Variants in UBAP2 observed in about 807,000 individuals in gnomAD.
UBAP2 encodes the protein ubiquitin associated protein 2, also known as ubiquitin-associated protein 2.
A neutral mutation model predicts 139.6 loss-of-function variants in UBAP2; 75 were observed. That is an observed-to-expected ratio of 0.54 (90% CI 0.45 to 0.65). The LOEUF is 0.65. Among genes scored for constraint, UBAP2 ranks in the 30% least tolerant of loss-of-function variants. The probability of loss-of-function intolerance (pLI) is 0.00; values close to 1 mark genes in which losing one functional copy is unlikely to be tolerated. For missense variants in UBAP2, 1,368 were observed against 1,369.6 expected (o/e 1.00, Z 0.02); for synonymous variants, 526 against 526.2 (o/e 1.00, Z 0.01).
chr9:33,952,103 A>AT (rs1826150442), intron 12 of UBAP2, among the ~76,000 whole-genome samples: 1 of 152,250 alleles, frequency 6.6e-6, no homozygotes, highest in African/African-American at 2.4e-5. Flanking sequence ...TATCAGGGTA[A>AT]AACAAACGAT....
chr9:33,944,683 A>G (rs766017435), intron 13 of UBAP2, 44 bp from the exon 14 acceptor site: 1 of 1,589,612 alleles, frequency 6.3e-7, no homozygotes, highest in Admixed American at 1.7e-5. Context: ...ATGGCTTCAC[A>G]ATGTTCTTCA....
Position 33,982,521 on chromosome 9 carries a change from C to T in UBAP2, c.520+4239G>A, listed in dbSNP as rs147289398. On this transcript the variant is annotated intron_variant, in intron 6 of 28. Transcript: ENST00000379238. ...GTAAAATTAAGTGCCCATTTTGTCG[C>T]CCAGATAGTTTAAATGGACTATGTT... 6.5e-3 allele frequency among the ~76,000 whole-genome samples: 985 copies of T among 152,038 alleles called. 9 individuals carry two copies. Among genetic ancestry groups the T allele is most frequent in the Non-Finnish European group, 9.9e-3 (670 of 67,886 alleles).
intron 12 of UBAP2, among the ~76,000 whole-genome samples, chr9:33,953,041 T>C (rs1247138554): frequency 1.3e-5 from 2 of 152,058 alleles, no homozygotes; most frequent in Non-Finnish European, 2.9e-5. Context: ...AGCTAATTTT[T>C]GTTAGTTTGC....
chr9:34,013,087 C>T (rs1184711999), intron 2 of UBAP2, among the ~76,000 whole-genome samples: 1 of 137,520 alleles, frequency 7.3e-6, no homozygotes, highest in Non-Finnish European at 1.5e-5. Flanking sequence ...CCAGGAGGCA[C>T]AGTTGCCGTT....
intron 17 of UBAP2, 109 bp downstream of exon 17, chr9:33,935,730 T>C (rs1286792762): frequency 7.6e-7 from 1 of 1,321,598 alleles, no homozygotes; most frequent in East Asian, 2.3e-5. Context: ...GGCTGCTTTT[T>C]AACGAATAAG....
intron 1 of UBAP2, among the ~76,000 whole-genome samples, chr9:34,038,965 G>A (rs1477106278): frequency 2.0e-5 from 3 of 149,684 alleles, no homozygotes; most frequent in East Asian, 2.0e-4. Flanking sequence ...GCCTCTGCCC[G>A]ACCGCGACCC....
At chr9:33,963,858 G>A (rs1361371111) in intron 8 of UBAP2, 67 bp from the exon 9 acceptor site, 4 of 1,170,764 alleles carry the variant, frequency 3.4e-6, no homozygotes, top group Non-Finnish European at 5.1e-6. Context: ...TCACAGAGAA[G>A]ATGGTCACTG....
At chr9:34,032,879 G>A (rs1826007185) in intron 1 of UBAP2, among the ~76,000 whole-genome samples, 2 of 145,630 alleles carry the variant, frequency 1.4e-5, no homozygotes, top group Admixed American at 7.2e-5. Context: ...AGCCGCCACT[G>A]TACTCTGGCC....
At chr9:33,980,220 C>CTTTATTTTTTTTTTTTTTTTTTT (rs1820522954) in intron 6 of UBAP2, among the ~76,000 whole-genome samples, 1 of 49,086 alleles carries the variant, frequency 2.0e-5, no homozygotes, top group Non-Finnish European at 3.6e-5. Flanking sequence ...AGTGTCATTT[C>CTTTATTTTTTTTTTTTTTTTTTT]TTTTTTTTTT....
At chr9:33,950,064 TTTCTTTTC>T (rs1344294327) in intron 12 of UBAP2, among the ~76,000 whole-genome samples, 3 of 151,972 alleles carry the variant, frequency 2.0e-5, no homozygotes, top group East Asian at 3.9e-4. Context: ...TAACATTTCT[TTTCTTTTC>T]TTTTTTCTTT....
At chr9:33,984,228 G>C (rs1452578607) in intron 6 of UBAP2, among the ~76,000 whole-genome samples, 7 of 152,000 alleles carry the variant, frequency 4.6e-5, no homozygotes, top group Non-Finnish European at 8.8e-5. Flanking sequence ...TTAAAAATAT[G>C]GTCTCCAATT....
intron 10 of UBAP2, among the ~76,000 whole-genome samples, chr9:33,956,652 G>C (rs1826590449): frequency 6.6e-6 from 1 of 151,986 alleles, no homozygotes; most frequent in Admixed American, 6.6e-5. Context: ...ATTTTAGATT[G>C]AAAGGCCTAC....
chr9:33,963,861 G>A (rs1421796996), intron 8 of UBAP2, 70 bp from the exon 9 acceptor site: 2 of 1,155,252 alleles, frequency 1.7e-6, no homozygotes, highest in African/African-American at 1.5e-5. Context: ...CAGAGAAGAT[G>A]GTCACTGTCA....
At chr9:33,967,836 T>C (rs898163353) in intron 8 of UBAP2, among the ~76,000 whole-genome samples, 1 of 152,232 alleles carries the variant, frequency 6.6e-6, no homozygotes, top group African/African-American at 2.4e-5. Context: ...AAAATGTCAC[T>C]CAACATCATT....
At chr9:33,959,386 G>C (rs1192975162) in intron 10 of UBAP2, among the ~76,000 whole-genome samples, 1 of 152,190 alleles carries the variant, frequency 6.6e-6, no homozygotes, top group Non-Finnish European at 1.5e-5. Context: ...TATGGAGACA[G>C]AGAAAAAGAC....
At chr9:33,979,743 C>G (rs1002584267) in intron 6 of UBAP2, among the ~76,000 whole-genome samples, 2 of 151,860 alleles carry the variant, frequency 1.3e-5, no homozygotes, top group Non-Finnish European at 2.9e-5. Flanking sequence ...GTAGCTGAGC[C>G]TGTAGTCCCA....
rs1353319380 is a variant in UBAP2, at chr9:34,046,296, C to T, written c.-42+2529G>A. Among the ~76,000 whole-genome samples the T allele has an allele frequency of 2.3e-5, 3 of 132,036 alleles. No homozygotes were observed. In the South Asian group the frequency reaches 7.7e-4, roughly 34 times the overall value. The allele number at this position is 132,036 out of a possible 152,430, so 86.6% of individuals were successfully genotyped here. A position where few individuals can be genotyped will look rare whatever the true frequency, so the allele number is the denominator to read the frequency against. ...AAAGGAAATCTTAACAATAAATCAT[C>T]ATTTAAAAAAAAAAAAAAGAGGACT... On this transcript the variant is annotated intron_variant, in intron 1 of 28. Transcript: ENST00000379238.
At chr9:34,003,963 G>A (rs751100840) in intron 2 of UBAP2, among the ~76,000 whole-genome samples, 5 of 149,960 alleles carry the variant, frequency 3.3e-5, no homozygotes, top group East Asian at 2.0e-4. Context: ...CAGGTGATCC[G>A]CCCACCTCGG....
chr9:34,031,178 G>A (rs1448513035), intron 1 of UBAP2, among the ~76,000 whole-genome samples: 4 of 151,446 alleles, frequency 2.6e-5, no homozygotes, highest in Admixed American at 1.3e-4. Context: ...TCGGGAGGCT[G>A]AGGCAGAGGA....
Sources: allele counts gnomAD v4.1 joint callset (sites outside exome capture counted in the v4.1 genomes callset), GRCh38; gene constraint gnomAD v4.1.1; transcripts MANE v1.5; gene names NCBI Gene and HGNC (gene_info 2026-07-23, HGNC 2026-07-21).